SLCO3A1: variants seen among roughly 807,000 people sequenced by gnomAD.
SLCO3A1 encodes PGE1 transporter.
A neutral mutation model predicts 63.1 loss-of-function variants in SLCO3A1; 27 were observed. The observed-to-expected ratio is 0.43, with a 90% CI of 0.32 to 0.59. The LOEUF is 0.59. SLCO3A1 is among the 20% of genes least tolerant of loss of function. SLCO3A1 has a pLI of 0.09. For synonymous variants in SLCO3A1, 473 were observed against 409.9 expected, an observed-to-expected ratio of 1.15 and a Z score of -1.86; for missense variants, 773 against 945.8, an observed-to-expected ratio of 0.82 and a Z score of 2.40.
intron 4 of SLCO3A1, among the ~76,000 whole-genome samples, chr15:92,120,076 AAC>A (rs138316241): frequency 0.038 from 5,665 of 150,906 alleles, 364 homozygotes; most frequent in African/African-American, 0.13. Flanking sequence ...ATTTTATATA[AAC>A]ACACACACAC....
chr15:91,876,080 A>T (rs1431201050), intron 1 of SLCO3A1, among the ~76,000 whole-genome samples: 4 of 152,210 alleles, frequency 2.6e-5, no homozygotes. Flanking sequence ...CAAGGTGGAC[A>T]GATAGTTTGA....
At chr15:92,048,252 C>T (rs1289193418) in intron 2 of SLCO3A1, among the ~76,000 whole-genome samples, 1 of 152,140 alleles carries the variant, frequency 6.6e-6, no homozygotes, top group Non-Finnish European at 1.5e-5. Flanking sequence ...GTCCAGGGAC[C>T]TGGCACCCAC....
At chr15:91,934,066 G>A (rs765230975) in intron 2 of SLCO3A1, among the ~76,000 whole-genome samples, 5 of 152,052 alleles carry the variant, frequency 3.3e-5, no homozygotes, top group African/African-American at 4.8e-5. Context: ...TTATTTCATG[G>A]ATGCTCAGAA....
chr15:92,131,086 GTTC>G (rs1472844032), intron 7 of SLCO3A1, among the ~76,000 whole-genome samples: 4 of 152,004 alleles, frequency 2.6e-5, no homozygotes, highest in East Asian at 1.9e-4. Context: ...GGAAATAGGT[GTTC>G]TTCTTATTTC....
intron 1 of SLCO3A1, among the ~76,000 whole-genome samples, chr15:91,864,529 T>C (rs1897121097): frequency 6.6e-6 from 1 of 151,454 alleles, no homozygotes; most frequent in African/African-American, 2.4e-5. Flanking sequence ...GCTTAATGCT[T>C]TCTAAGAGGT....
rs953960163 is a variant in SLCO3A1, at chr15:91,968,986, A to G, written c.646+52528A>G. The stretch of plus-strand genomic sequence containing the variant: ...ATCTCTGCCTCCACCTACCTCCAAC[A>G]CAAGAGTTTGCTAACAGGTCCACAC... On this transcript the variant is annotated intron_variant, in intron 2 of 9. Coordinates refer to ENST00000318445, the MANE Select transcript of SLCO3A1 (RefSeq NM_013272.4). The surrounding 1 kb of genome is among the most constrained non-coding windows in gnomAD (Gnocchi z 4.2). 6.6e-6 allele frequency among the ~76,000 whole-genome samples: 1 copy of G among 151,994 alleles called. No homozygotes were observed. The highest frequency in any genetic ancestry group is 2.4e-5 in the African/African-American group (1 of 41,394).
At chr15:92,045,619 T>C (rs1349056720) in intron 2 of SLCO3A1, among the ~76,000 whole-genome samples, 1 of 146,942 alleles carries the variant, frequency 6.8e-6, no homozygotes, top group African/African-American at 2.7e-5. Context: ...TCTTCTACTC[T>C]AGGTCATTTT....
At position 91,897,865 on chromosome 15, in the gene SLCO3A1, G is replaced by A. The variant is rs558617261; in HGVS notation, c.181-18128G>A. On this transcript the variant is annotated intron_variant, in intron 1 of 9. Coordinates refer to ENST00000318445, the MANE Select transcript of SLCO3A1 (RefSeq NM_013272.4). This position sits in a 1 kb window ranked among gnomAD's most constrained non-coding sequence, Gnocchi z 4.7. Reference sequence around the variant, plus strand: ...GAGCATGAGGATGGGTGCGGGAGGCGAAAGGCAGCTGAAACTGCAGGGCAG... The same window carrying A: ...GAGCATGAGGATGGGTGCGGGAGGCAAAAGGCAGCTGAAACTGCAGGGCAG... Among the ~76,000 whole-genome samples, 12 of 152,310 alleles carry A rather than the reference G, an allele frequency of 7.9e-5. No individual in the cohort carries two copies. Among genetic ancestry groups the A allele is most frequent in the Admixed American group, 5.2e-4 (8 of 15,304 alleles).
chr15:92,149,217 C>G (rs1181135386), intron 8 of SLCO3A1: 1 of 152,272 alleles, frequency 6.6e-6, no homozygotes, highest in Non-Finnish European at 1.5e-5. Context: ...GCTCTTGGAG[C>G]TTTGCTGGAA....
intron 2 of SLCO3A1, among the ~76,000 whole-genome samples, chr15:91,998,677 A>G (rs996673609): frequency 1.3e-5 from 2 of 152,242 alleles, no homozygotes; most frequent in Non-Finnish European, 2.9e-5. Context: ...GGGAATGCTT[A>G]TACACTGTTG....
chr15:91,888,131 G>A (rs915160181), intron 1 of SLCO3A1, among the ~76,000 whole-genome samples: 2 of 152,180 alleles, frequency 1.3e-5, no homozygotes, highest in Non-Finnish European at 2.9e-5. Flanking sequence ...ATTATTAACC[G>A]ATTTTGGAAT....
intron 1 of SLCO3A1, among the ~76,000 whole-genome samples, chr15:91,861,408 A>G (rs1445801499): frequency 6.6e-6 from 1 of 152,194 alleles, no homozygotes; most frequent in African/African-American, 2.4e-5. Flanking sequence ...AGTGCCTCTG[A>G]AAAGGGAAGC....
intron 2 of SLCO3A1, among the ~76,000 whole-genome samples, chr15:92,063,918 T>G (rs1429271027): frequency 6.6e-6 from 1 of 152,202 alleles, no homozygotes; most frequent in Non-Finnish European, 1.5e-5. Flanking sequence ...TTCTTTTGTT[T>G]GTTTTTTGCT....
chr15:91,931,759 C>T (rs1337773731), intron 2 of SLCO3A1, among the ~76,000 whole-genome samples: 1 of 150,128 alleles, frequency 6.7e-6, no homozygotes, highest in Non-Finnish European at 1.5e-5. Context: ...GAGTGAGCCA[C>T]CGCGCCCGGC....
chr15:91,918,395 C>G (rs184208393), intron 2 of SLCO3A1, among the ~76,000 whole-genome samples: 1 of 152,150 alleles, frequency 6.6e-6, no homozygotes, highest in African/African-American at 2.4e-5. Flanking sequence ...GCATGACATA[C>G]GAACATCTTG....
At chr15:91,982,055 G>A (rs568078234) in intron 2 of SLCO3A1, among the ~76,000 whole-genome samples, 2 of 152,382 alleles carry the variant, frequency 1.3e-5, no homozygotes, top group South Asian at 4.1e-4. Flanking sequence ...AGTCCTTGGC[G>A]TGCAAGGTGA....
intron 7 of SLCO3A1, among the ~76,000 whole-genome samples, chr15:92,134,818 G>T (rs1396194955): frequency 6.6e-6 from 1 of 152,180 alleles, no homozygotes; most frequent in Non-Finnish European, 1.5e-5. Flanking sequence ...GAGGGAAGCA[G>T]CTGTGTAGAC....
Position 92,162,617 on chromosome 15 carries a change from T to C in SLCO3A1, c.1754-139T>C, listed in dbSNP as rs752886891. 3.1e-5 allele frequency: 42 copies of C among 1,370,030 alleles called. No individual in the cohort carries two copies. The African/African-American group carries it at 6.1e-4, about 20-fold the overall frequency. The allele number at this position is 1,370,030 out of a possible 1,614,324, so 84.9% of individuals were successfully genotyped here. On this transcript the variant is annotated intron_variant, in intron 9 of 9. Transcript: ENST00000318445. ...GAACTGGGACACAAACTCATGCGCT[T>C]TGCCTCCTGAGCATGTCTTTGAGCC... is the stretch of plus-strand genomic sequence containing the variant.
intron 4 of SLCO3A1, among the ~76,000 whole-genome samples, chr15:92,111,899 A>G (rs1291565967): frequency 3.3e-5 from 5 of 152,242 alleles, no homozygotes; most frequent in African/African-American, 7.2e-5. Flanking sequence ...ACATGGCCAA[A>G]TAACTTTGGG....
Sources: allele counts gnomAD v4.1 joint callset (sites outside exome capture counted in the v4.1 genomes callset), GRCh38; gene constraint gnomAD v4.1.1; non-coding constraint Gnocchi (gnomAD v3.1); transcripts MANE v1.5; gene names NCBI Gene and HGNC (gene_info 2026-07-23, HGNC 2026-07-21).